The following PHF20 variants were observed in gnomAD, a reference collection of about 807,000 sequenced individuals.
The protein encoded by PHF20 is PHD finger protein 20.
PHF20 carries 23 observed loss-of-function variants against 113.5 expected under a neutral mutation model. The observed-to-expected ratio is 0.20, with a 90% CI of 0.15 to 0.29. PHF20 has a LOEUF of 0.29. Ranked by LOEUF, PHF20 falls within the 10% of genes least tolerant of loss-of-function variation. The pLI, the probability that PHF20 is intolerant of heterozygous loss-of-function variation, is 1.00. For synonymous variants in PHF20, 434 were observed against 457.3 expected, an observed-to-expected ratio of 0.95 and a Z score of 0.65; for missense variants, 943 against 1,219.6, an observed-to-expected ratio of 0.77 and a Z score of 3.38.
At chr20:35,869,332 A>G in intron 6 of PHF20, 106 bp from the exon 7 acceptor site, 1 of 537,586 alleles carries the variant, frequency 1.9e-6, no homozygotes, top group East Asian at 3.4e-5. Context: ...TTTATAATGC[A>G]GTGATTTCTG....
At chr20:35,927,021 C>G (rs907006571) in intron 13 of PHF20, among the ~76,000 whole-genome samples, 4 of 152,182 alleles carry the variant, frequency 2.6e-5, no homozygotes, top group Non-Finnish European at 5.9e-5. Flanking sequence ...CTCAGGCTGT[C>G]CACATGTCTC....
intron 4 of PHF20, among the ~76,000 whole-genome samples, chr20:35,857,571 T>TG (rs1600834868): frequency 7.7e-6 from 1 of 129,314 alleles, no homozygotes; most frequent in East Asian, 2.1e-4. Flanking sequence ...CCTTTTTTTT[T>TG]TTTTTTTTTT....
At chr20:35,818,475 G>T (rs891524413) in intron 2 of PHF20, among the ~76,000 whole-genome samples, 1 of 152,096 alleles carries the variant, frequency 6.6e-6, no homozygotes, top group Non-Finnish European at 1.5e-5. Context: ...GCCCAGGCTG[G>T]TCTTAAACTT....
intron 10 of PHF20, among the ~76,000 whole-genome samples, chr20:35,909,697 T>G (rs1390245102): frequency 6.6e-6 from 1 of 152,204 alleles, no homozygotes; most frequent in Non-Finnish European, 1.5e-5. Context: ...TTTTAAAAGT[T>G]AAGGAGCTCA....
chr20:35,781,119 G>A (rs2041286934), intron 1 of PHF20, among the ~76,000 whole-genome samples: 1 of 151,654 alleles, frequency 6.6e-6, no homozygotes, highest in African/African-American at 2.4e-5. Flanking sequence ...TAAAGTGCTG[G>A]GATTACAGGC....
chr20:35,927,112 GAAGGAAGT>G (rs1343753351), intron 13 of PHF20, among the ~76,000 whole-genome samples: 1 of 152,110 alleles, frequency 6.6e-6, no homozygotes, highest in Non-Finnish European at 1.5e-5. Context: ...AATACTCAGG[GAAGGAAGT>G]GGAGCCTTGG....
chr20:35,777,727 C>T (rs1007348389), intron 1 of PHF20, among the ~76,000 whole-genome samples: 17 of 152,136 alleles, frequency 1.1e-4, no homozygotes, highest in Admixed American at 6.5e-4. Flanking sequence ...GGGAGGCTGA[C>T]GAGGGAGTTC....
At chr20:35,797,528 GA>G (rs1338926454) in intron 1 of PHF20, among the ~76,000 whole-genome samples, 6 of 146,400 alleles carry the variant, frequency 4.1e-5, no homozygotes, top group South Asian at 4.4e-4. Flanking sequence ...AAAAAAAAAA[GA>G]AAAAAATATG....
At chr20:35,892,088 C>T (rs1033313236) in intron 9 of PHF20, among the ~76,000 whole-genome samples, 9 of 151,182 alleles carry the variant, frequency 6.0e-5, no homozygotes, top group South Asian at 2.1e-4. Flanking sequence ...GGGACAGTCT[C>T]GTTCTTTCGC....
chr20:35,896,870 C>T (rs966297689), intron 9 of PHF20, among the ~76,000 whole-genome samples: 2 of 151,094 alleles, frequency 1.3e-5, no homozygotes, highest in African/African-American at 2.4e-5. Context: ...CGACTATTGC[C>T]TTCTGCTTAT....
intron 1 of PHF20, among the ~76,000 whole-genome samples, chr20:35,796,338 T>G (rs2041666512): frequency 6.6e-6 from 1 of 152,206 alleles, no homozygotes; most frequent in Non-Finnish European, 1.5e-5. Context: ...ATTCTCTTGT[T>G]TTTTAATGGA....
chr20:35,925,378 T>C (rs1392208168), intron 13 of PHF20, among the ~76,000 whole-genome samples: 1 of 152,016 alleles, frequency 6.6e-6, no homozygotes, highest in Non-Finnish European at 1.5e-5. Flanking sequence ...TGAACCTGCT[T>C]CAGCCTCCCA....
At chr20:35,820,206 C>A (rs1407991876) in intron 2 of PHF20, among the ~76,000 whole-genome samples, 3 of 152,004 alleles carry the variant, frequency 2.0e-5, no homozygotes, top group African/African-American at 7.3e-5. Context: ...TACAAAAACC[C>A]CTAGGGGAGA....
chr20:35,838,769 C>A (rs1428658185), intron 2 of PHF20, among the ~76,000 whole-genome samples: 2 of 151,026 alleles, frequency 1.3e-5, no homozygotes, highest in Admixed American at 1.3e-4. Context: ...CAGGAGGATA[C>A]TTGAGCCCAG....
rs2042373835 is a variant in PHF20, at chr20:35,832,598, G to A, written c.84-9975G>A. On this transcript the variant is annotated intron_variant, in intron 2 of 17. Transcript: ENST00000374012. ...TCTGAGGCTATGGGAGGATAAGGAT[G>A]TTGCCTGGGAAGAGTGGGCAGGGAT... Among the ~76,000 whole-genome samples the A allele has an allele frequency of 2.6e-5, 4 of 152,218 alleles. 1 individual carries two copies. The South Asian group carries it at 8.3e-4, about 32-fold the overall frequency.
At chr20:35,803,723 C>T (rs917107035) in intron 2 of PHF20, among the ~76,000 whole-genome samples, 10 of 147,166 alleles carry the variant, frequency 6.8e-5, no homozygotes, top group South Asian at 2.1e-4. Context: ...TAATATACTG[C>T]GTGTGTGTAT....
intron 15 of PHF20, among the ~76,000 whole-genome samples, chr20:35,936,693 C>T (rs1383971809): frequency 6.6e-6 from 1 of 151,854 alleles, no homozygotes; most frequent in Non-Finnish European, 1.5e-5. Flanking sequence ...TTTTTTTAAC[C>T]CCTGGGTAAT....
chr20:35,930,725 C>T (rs1240146568), intron 14 of PHF20, among the ~76,000 whole-genome samples: 1 of 152,064 alleles, frequency 6.6e-6, no homozygotes, highest in Non-Finnish European at 1.5e-5. Flanking sequence ...AGGAGCCAAC[C>T]CTGCAAAGGC....
Position 35,931,442 on chromosome 20 carries a change from G to T in PHF20, c.2298G>T (p.Leu766Phe). 6.2e-7 allele frequency: 1 copy of T among 1,608,872 alleles called. No homozygotes were observed. Among genetic ancestry groups the T allele is most frequent in the Non-Finnish European group, 8.5e-7 (1 of 1,176,578 alleles). ...LHGLQLKMSI[L>F]QSREHPDLPL... ...GCCTGCAGCTCAAGATGAGCATCTTGCAGTAAGTGTGGCACCTGCAGTGCT... is the reference window on the plus strand; with the variant it reads ...GCCTGCAGCTCAAGATGAGCATCTTTCAGTAAGTGTGGCACCTGCAGTGCT... The change falls in exon 15 of 18, where the codon TTG becomes TTT. Residue 766 changes from leucine (L) to phenylalanine (F), a missense_variant and splice_region_variant. Leu to Phe is a conservative substitution (Grantham distance 22, BLOSUM62 0). Around this residue, in one of 3 missense-constraint regions of PHF20, gnomAD observed 349 missense variants for 412.3 expected, o/e 0.85. Coordinates refer to ENST00000374012, the MANE Select transcript of PHF20 (RefSeq NM_016436.5).
Sources: gnomAD v4.1 joint callset for allele counts (sites outside exome capture counted in the v4.1 genomes callset) on GRCh38, gnomAD v4.1.1 for gene constraint, gnomAD v4.1.1 regional missense constraint, MANE v1.5 for transcripts, NCBI Gene and HGNC (gene_info 2026-07-23, HGNC 2026-07-21) for gene names.